HERC6: variants seen among roughly 807,000 people sequenced by gnomAD.
The protein encoded by HERC6 is HECT and RLD domain containing E3 ubiquitin protein ligase family member 6.
Under a neutral mutation model 114.5 loss-of-function variants are expected in HERC6, and 101 were observed. The observed-to-expected ratio is 0.88, with a 90% CI of 0.75 to 1.04. HERC6 has a LOEUF of 1.04. Among genes scored for constraint, HERC6 ranks in the 50% least tolerant of loss-of-function variants. The pLI, the probability that HERC6 is intolerant of heterozygous loss-of-function variation, is 0.00. For missense variants in HERC6, 1,133 were observed against 1,230.9 expected, an observed-to-expected ratio of 0.92 and a Z score of 1.19; for synonymous variants, 408 against 436.2, an observed-to-expected ratio of 0.94 and a Z score of 0.81.
At position 88,439,854 on chromosome 4, in the gene HERC6, T is replaced by A; in HGVS notation, c.2556-20T>A. 7.5e-7 allele frequency: 1 copy of A among 1,337,032 alleles called. No individual in the cohort carries two copies. Among genetic ancestry groups the A allele is most frequent in the Non-Finnish European group, 9.6e-7 (1 of 1,039,866 alleles). The allele number at this position is 1,337,032 out of a possible 1,614,324, so 82.8% of individuals were successfully genotyped here. A position where few individuals can be genotyped will look rare whatever the true frequency, so the allele number is the denominator to read the frequency against. ...TTTTCCTTCCTTTCTTTTTTTTTTTTTTTTTTTGCTTCCCTCAAGGAGAGA... is the reference window on the plus strand; with the variant it reads ...TTTTCCTTCCTTTCTTTTTTTTTTTATTTTTTTGCTTCCCTCAAGGAGAGA... On this transcript the variant is annotated intron_variant, in intron 20 of 22. Transcript: ENST00000264346.
chr4:88,431,983 C>T (rs1738264560), intron 17 of HERC6, among the ~76,000 whole-genome samples: 1 of 152,112 alleles, frequency 6.6e-6, no homozygotes, highest in African/African-American at 2.4e-5. Context: ...AGGAAATAAC[C>T]TACATATCCA....
rs1170000513 is a variant in HERC6 at position 88,379,044 on chromosome 4, C to T, written c.123C>T (p.Asn41=). The change falls in exon 1 of 23, where the codon AAC becomes AAT. Residue 41 remains asparagine, a synonymous_variant. Transcript: ENST00000264346. ...GCCACTCTCTGCTGCTGCTGACCAA[C>T]CACAGGGTCCTCTCGTGCGGAGACA... ...GERHSLLLLT[N]HRVLSCGDNS... 4 of 1,561,890 alleles carry T rather than the reference C, an allele frequency of 2.6e-6. No homozygotes were observed. The highest frequency in any genetic ancestry group is 1.4e-5 in the African/African-American group (1 of 73,516).
In HERC6 at chr4:88,435,778, C is replaced by A; in HGVS notation, c.2304C>A (p.Ser768=). Residue 768 remains serine (S), a synonymous_variant, in exon 18 of 23, where the codon TCC becomes TCA. Transcript: ENST00000264346. ...TCTTTGGAATGCTGTGTGGACTCTC[C>A]TTATTCAATTTAAATGTTGCTAACC... ...YFLFGMLCGL[S]LFNLNVANLP... 1 of 1,610,470 alleles carries A rather than the reference C, an allele frequency of 6.2e-7. No individual in the cohort carries two copies. The highest frequency in any genetic ancestry group is 1.3e-5 in the African/African-American group (1 of 74,918).
intron 17 of HERC6, among the ~76,000 whole-genome samples, chr4:88,433,045 A>C (rs955939666): frequency 1.3e-5 from 2 of 152,014 alleles, no homozygotes; most frequent in African/African-American, 4.8e-5. Flanking sequence ...CCAAGATCGC[A>C]CCACTGCCCT....
chr4:88,416,722 TC>T (rs1410924191), intron 12 of HERC6, among the ~76,000 whole-genome samples: 1 of 152,118 alleles, frequency 6.6e-6, no homozygotes, highest in Non-Finnish European at 1.5e-5. Flanking sequence ...TCTTTTTCAT[TC>T]CCACTAATAT....
intron 13 of HERC6, among the ~76,000 whole-genome samples, chr4:88,418,325 A>G (rs894835194): frequency 6.6e-6 from 1 of 152,162 alleles, no homozygotes; most frequent in Non-Finnish European, 1.5e-5. Context: ...CCAGAATCAC[A>G]TAGAAAAACC....
chr4:88,403,335 A>G (rs1050964468), intron 8 of HERC6, among the ~76,000 whole-genome samples: 11 of 152,230 alleles, frequency 7.2e-5, no homozygotes, highest in African/African-American at 2.7e-4. Context: ...TTGGATGCAC[A>G]TTACAATTTG....
Position 88,413,048 on chromosome 4 carries a change from T to G in HERC6, c.1369-29T>G, listed in dbSNP as rs1393684709. ...TCCTCTGTATCTAATATATCCTGGG[T>G]CTGTTCCCTGATCCTATTTTTACCA... On this transcript the variant is annotated intron_variant, in intron 11 of 22. Transcript: ENST00000264346. 1.8e-5 allele frequency: 27 copies of G among 1,539,428 alleles called. No individual in the cohort carries two copies. The Admixed American group carries it at 3.6e-4, about 20-fold the overall frequency.
At chr4:88,415,808 G>T (rs952566257) in intron 12 of HERC6, among the ~76,000 whole-genome samples, 2 of 152,176 alleles carry the variant, frequency 1.3e-5, no homozygotes, top group Admixed American at 6.5e-5. Context: ...AGTAGGAGTT[G>T]CAGCAGAGAA....
chr4:88,411,004 C>T (rs1736067477), intron 11 of HERC6, among the ~76,000 whole-genome samples: 1 of 152,034 alleles, frequency 6.6e-6, no homozygotes, highest in Admixed American at 6.6e-5. Context: ...AAAGAAGCTC[C>T]AAAAAGGCAT....
At chr4:88,390,561 G>T in intron 3 of HERC6, 91 bp from the exon 4 acceptor site, 2 of 1,184,348 alleles carry the variant, frequency 1.7e-6, no homozygotes, top group Non-Finnish European at 2.3e-6. Context: ...CCTCATTAAA[G>T]CCACAAAAAA....
At chr4:88,436,023 A>AT (rs1452249904) in intron 18 of HERC6, 132 bp downstream of exon 18, 1 of 615,818 alleles carries the variant, frequency 1.6e-6, no homozygotes, top group Non-Finnish European at 2.5e-6. Flanking sequence ...AGGAATTTGA[A>AT]TTTTAGCATG....
At chr4:88,386,199 CT>C (rs1262540915) in intron 3 of HERC6, among the ~76,000 whole-genome samples, 10,005 of 131,832 alleles carry the variant, frequency 0.076, 195 homozygotes, top group Non-Finnish European at 0.094. Flanking sequence ...TTTTTCTTTT[CT>C]TTTTTTTTTT....
chr4:88,418,709 CAT>C lies in HERC6; in HGVS notation c.1713+1131_1713+1132del, dbSNP rs576943938. ...TTGGTGAGAGACCCATCACACTACA[CAT>C]GTGTGATTTTTTTGTTTGTTTGTTT... On this transcript the variant is annotated intron_variant, in intron 13 of 22. Transcript: ENST00000264346. Among the ~76,000 whole-genome samples, 555 of 152,214 alleles carry C rather than the reference CAT, an allele frequency of 3.6e-3. 4 individuals are homozygous for C. The highest frequency in any genetic ancestry group is 0.011 in the African/African-American group (459 of 41,532).
In HERC6 at chr4:88,417,505, C is replaced by G. The variant is rs1182482697; in HGVS notation, c.1639C>G (p.Leu547Val). The G allele has an allele frequency of 6.2e-7, 1 of 1,612,298 alleles. No individual in the cohort carries two copies. Among genetic ancestry groups the G allele is most frequent in the Non-Finnish European group, 8.5e-7 (1 of 1,179,256 alleles). Residue 547 changes from leucine to valine, a missense_variant, in exon 13 of 23, where the codon CTT becomes GTT. Coordinates refer to ENST00000264346, the MANE Select transcript of HERC6 (RefSeq NM_017912.4). The part of the protein sequence containing the change: ...MLKAAIISQL[L>V]HQTKTEQDHC... ...TAAAGCAGCCATCATCTCTCAGCTG[C>G]TTCATCAGACTAAAACCGAACAGGA...
At chr4:88,427,925 T>C (rs1003858146) in intron 15 of HERC6, among the ~76,000 whole-genome samples, 5 of 152,192 alleles carry the variant, frequency 3.3e-5, no homozygotes, top group African/African-American at 1.2e-4. Flanking sequence ...AGATCAGAGA[T>C]TAAAATAGTG....
rs192005184 is a variant in HERC6, at chr4:88,396,869, T to A, written c.906T>A (p.Tyr302Ter). The change falls in exon 7 of 23, where the codon TAT becomes TAA. Residue 302 changes from tyrosine to a stop codon, truncating the protein, a stop_gained. Coordinates refer to ENST00000264346, the MANE Select transcript of HERC6 (RefSeq NM_017912.4). LOFTEE classifies it high-confidence loss of function. ...CCTGTAGTTATCACACCCTGGCATA[T>A]GTGCACACCACTGGTCAGGTGGTAT... ...IDCGSYHTLA[Y>*]VHTTGQVVSF... The A allele has an allele frequency of 1.6e-3, 2,559 of 1,587,360 alleles. 29 individuals carry two copies. The highest frequency in any genetic ancestry group is 7.4e-4 in the Non-Finnish European group (865 of 1,164,744).
In HERC6 at chr4:88,386,611, G is replaced by A. The variant is rs527827964; in HGVS notation, c.436+1036G>A. Among the ~76,000 whole-genome samples the A allele has an allele frequency of 7.2e-5, 11 of 152,276 alleles. No homozygotes were observed. The South Asian group carries it at 2.1e-3, about 29-fold the overall frequency. On this transcript the variant is annotated intron_variant, in intron 3 of 22. Transcript: ENST00000264346. ...TTACATACTGTTTTAACAAAAAAAGGGAGTTTGGGCTTCAAGGGATAATAA... is the reference window on the plus strand; with the variant it reads ...TTACATACTGTTTTAACAAAAAAAGAGAGTTTGGGCTTCAAGGGATAATAA...
chr4:88,437,619 AG>A, intron 19 of HERC6, 91 bp from the exon 20 acceptor site: 2 of 785,436 alleles, frequency 2.5e-6, no homozygotes, highest in Middle Eastern at 3.0e-4. Flanking sequence ...TCAGTTACAT[AG>A]GGGAAAATGT....
Sources: gnomAD v4.1 joint callset for allele counts (sites outside exome capture counted in the v4.1 genomes callset) on GRCh38, gnomAD v4.1.1 for gene constraint, MANE v1.5 for transcripts, NCBI Gene and HGNC (gene_info 2026-07-23, HGNC 2026-07-21) for gene names.